The following NECAB1 variants were observed in gnomAD, a reference collection of about 807,000 sequenced individuals.
NECAB1 encodes the protein N-terminal EF-hand calcium-binding protein 1.
Under a neutral mutation model 57.5 loss-of-function variants are expected in NECAB1, and 29 were observed. The ratio of observed to expected loss-of-function variants is 0.50; its 90% CI spans 0.38 to 0.69. The LOEUF (loss-of-function observed/expected upper bound fraction) is 0.69, where lower values mean the gene tolerates loss of function less well. Among genes scored for constraint, NECAB1 ranks in the 30% least tolerant of loss-of-function variants. The pLI, the probability that NECAB1 is intolerant of heterozygous loss-of-function variation, is 0.00. For synonymous variants in NECAB1, 142 were observed against 147.7 expected (o/e 0.96, Z 0.28); for missense variants, 372 against 413.8 (o/e 0.90, Z 0.88).
Position 90,958,996 on chromosome 8 carries a change from T to G in NECAB1, c.*3484T>G, listed in dbSNP as rs1248796460. The G allele has an allele frequency of 1.4e-6, 2 of 1,411,684 alleles. No individual in the cohort carries two copies. Among genetic ancestry groups the G allele is most frequent in the Non-Finnish European group, 1.9e-6 (2 of 1,052,614 alleles). 87.4% of individuals were successfully genotyped at this position (1,411,684 alleles called of 1,614,324 possible). On this transcript the variant is annotated 3_prime_UTR_variant, in exon 13 of 13. Coordinates refer to ENST00000417640, the MANE Select transcript of NECAB1 (RefSeq NM_022351.5). ...AGATGTCCAAACTTAAATTCATCTGTTCTTAAAATGCTACTTAAAACTTTG... is the reference window on the plus strand; with the variant it reads ...AGATGTCCAAACTTAAATTCATCTGGTCTTAAAATGCTACTTAAAACTTTG...
At chr8:90,856,110 T>A (rs1473607365) in intron 3 of NECAB1, among the ~76,000 whole-genome samples, 1 of 152,106 alleles carries the variant, frequency 6.6e-6, no homozygotes, top group Non-Finnish European at 1.5e-5. Context: ...TTGAGGAATC[T>A]TCTGGAATTA....
intron 9 of NECAB1, among the ~76,000 whole-genome samples, chr8:90,934,766 G>A (rs148196283): frequency 6.6e-6 from 1 of 152,072 alleles, no homozygotes; most frequent in African/African-American, 2.4e-5. Flanking sequence ...CTAGGGCCAG[G>A]CACATTGAAA....
chr8:90,852,022 T>C (rs1475031133), intron 3 of NECAB1, among the ~76,000 whole-genome samples: 1 of 152,214 alleles, frequency 6.6e-6, no homozygotes, highest in Non-Finnish European at 1.5e-5. Context: ...TAAAATGAGT[T>C]AAAATGAATC....
At chr8:90,826,953 A>G (rs114754712) in intron 3 of NECAB1, among the ~76,000 whole-genome samples, 2,485 of 151,962 alleles carry the variant, frequency 0.016, 77 homozygotes, top group African/African-American at 0.057. Flanking sequence ...ATGATGTTCA[A>G]CTTTAATTTG....
intron 8 of NECAB1, among the ~76,000 whole-genome samples, chr8:90,930,139 C>T (rs1810371390): frequency 6.6e-6 from 1 of 152,030 alleles, no homozygotes; most frequent in African/African-American, 2.4e-5. Context: ...ACACTAATAC[C>T]AGCTCAGAAA....
intron 6 of NECAB1, among the ~76,000 whole-genome samples, chr8:90,919,024 G>T (rs1810042741): frequency 6.6e-6 from 1 of 151,620 alleles, no homozygotes; most frequent in Non-Finnish European, 1.5e-5. Flanking sequence ...AGTGAATGAT[G>T]GAAATTATTT....
chr8:90,934,228 T>C (rs1810476486), intron 8 of NECAB1, 76 bp from the exon 9 acceptor site: 1 of 1,025,520 alleles, frequency 9.8e-7, no homozygotes, highest in Non-Finnish European at 1.4e-6. Flanking sequence ...ATGAGAGAAC[T>C]ATGATTTGAA....
At chr8:90,896,608 A>AAAAAC (rs1554572844) in intron 5 of NECAB1, among the ~76,000 whole-genome samples, 31 of 150,066 alleles carry the variant, frequency 2.1e-4, no homozygotes, top group Middle Eastern at 3.4e-3. Context: ...CCGTCTCAAA[A>AAAAAC]AAAAACAAAA....
At chr8:90,821,948 GC>G in intron 2 of NECAB1, among the ~76,000 whole-genome samples, 1 of 151,930 alleles carries the variant, frequency 6.6e-6, no homozygotes, top group East Asian at 1.9e-4. Flanking sequence ...GCACTCTGCT[GC>G]CTCCATCTCA....
chr8:90,807,292 A>G (rs1811864098), intron 2 of NECAB1, among the ~76,000 whole-genome samples: 1 of 152,220 alleles, frequency 6.6e-6, no homozygotes, highest in African/African-American at 2.4e-5. Context: ...TTGGATTATG[A>G]TCAATTAATT....
At position 90,921,719 on chromosome 8, in the gene NECAB1, T is replaced by C. The variant is rs575991109; in HGVS notation, c.495-3816T>C. On this transcript the variant is annotated intron_variant, in intron 6 of 12. Coordinates refer to ENST00000417640, the MANE Select transcript of NECAB1 (RefSeq NM_022351.5). ...AAGAGTTACAACCTGCAGGTATCAT[T>C]AAAATCTCTAGGATTGTGATAATTT... Among the ~76,000 whole-genome samples, 6 of 152,148 alleles carry C rather than the reference T, an allele frequency of 3.9e-5. No individual in the cohort carries two copies. In the East Asian group the frequency reaches 1.2e-3, roughly 29 times the overall value.
At chr8:90,944,265 A>G (rs901169042) in intron 10 of NECAB1, among the ~76,000 whole-genome samples, 1 of 152,222 alleles carries the variant, frequency 6.6e-6, no homozygotes, top group Non-Finnish European at 1.5e-5. Context: ...TCCAATTACA[A>G]CAAGGTCTTG....
intron 3 of NECAB1, among the ~76,000 whole-genome samples, chr8:90,842,900 A>G (rs1285008726): frequency 6.6e-6 from 1 of 152,228 alleles, no homozygotes; most frequent in Non-Finnish European, 1.5e-5. Flanking sequence ...GTAGGGATAG[A>G]TGGAAACATG....
At chr8:90,930,111 GA>G (rs1315497700) in intron 8 of NECAB1, among the ~76,000 whole-genome samples, 1 of 152,124 alleles carries the variant, frequency 6.6e-6, no homozygotes, top group Non-Finnish European at 1.5e-5. Flanking sequence ...GTTAAAACAA[GA>G]AAAATGAGGC....
rs139001878 is a variant in NECAB1, at chr8:90,814,853, G to A, written c.125-9864G>A. Reference sequence around the variant, plus strand: ...ATTAGAAACCAAGGTCTGGATAATTGTGCTCATTGTTACTGATGTGTCATC... The same window carrying A: ...ATTAGAAACCAAGGTCTGGATAATTATGCTCATTGTTACTGATGTGTCATC... On this transcript the variant is annotated intron_variant, in intron 2 of 12. Coordinates refer to ENST00000417640, the MANE Select transcript of NECAB1 (RefSeq NM_022351.5). Among the ~76,000 whole-genome samples, 404 of 152,192 alleles carry A rather than the reference G, an allele frequency of 2.7e-3. 4 individuals are homozygous for A. Among genetic ancestry groups the A allele is most frequent in the African/African-American group, 9.4e-3 (390 of 41,528 alleles).
At chr8:90,881,271 A>T in intron 5 of NECAB1, 141 bp downstream of exon 5, 3 of 629,938 alleles carry the variant, frequency 4.8e-6, no homozygotes, top group Non-Finnish European at 8.4e-6. Context: ...GAGCTATGTT[A>T]TTCATTTGTA....
chr8:90,951,263 C>T (rs1386622736), intron 12 of NECAB1, 59 bp downstream of exon 12: 5 of 988,744 alleles, frequency 5.1e-6, no homozygotes, highest in Non-Finnish European at 7.7e-6. Context: ...TTGTTTGTTT[C>T]GTAAAAGATA....
chr8:90,952,448 G>T (rs901597705), intron 12 of NECAB1, among the ~76,000 whole-genome samples: 1 of 152,078 alleles, frequency 6.6e-6, no homozygotes, highest in Non-Finnish European at 1.5e-5. Flanking sequence ...CAGTGCTCCT[G>T]GGGATGAGTG....
intron 5 of NECAB1, 96 bp from the exon 6 acceptor site, chr8:90,917,396 A>T (rs1398595944): frequency 9.1e-7 from 1 of 1,102,650 alleles, no homozygotes; most frequent in Admixed American, 2.9e-5. Context: ...TCTAGGATCA[A>T]TCTGGGATTG....
Sources: allele counts gnomAD v4.1 joint callset (sites outside exome capture counted in the v4.1 genomes callset), GRCh38; gene constraint gnomAD v4.1.1; transcripts MANE v1.5; gene names NCBI Gene and HGNC (gene_info 2026-07-23, HGNC 2026-07-21).